Variants in CMSS1 observed in about 807,000 individuals in gnomAD.
CMSS1 encodes cms1 ribosomal small subunit homolog.
A neutral mutation model predicts 43.5 loss-of-function variants in CMSS1; 33 were observed. That is an observed-to-expected ratio of 0.76 (90% CI 0.57 to 1.01). The LOEUF is 1.01. Among genes scored for constraint, CMSS1 ranks in the 50% least tolerant of loss-of-function variants. The pLI is 0.00. For missense variants in CMSS1, 313 were observed against 326.4 expected (o/e 0.96, Z 0.32); for synonymous variants, 115 against 117.2 (o/e 0.98, Z 0.12).
At chr3:100,168,849 C>G (rs957623048) in intron 6 of CMSS1, among the ~76,000 whole-genome samples, 1 of 147,816 alleles carries the variant, frequency 6.8e-6, no homozygotes, top group African/African-American at 2.5e-5. Context: ...GATTATATTC[C>G]TAGAGATTAC....
At chr3:100,118,719 A>G (rs1253009125) in intron 1 of CMSS1, among the ~76,000 whole-genome samples, 1 of 152,202 alleles carries the variant, frequency 6.6e-6, no homozygotes, top group African/African-American at 2.4e-5. Flanking sequence ...CCCCTAGGAC[A>G]GAAACTCTTC....
At chr3:100,128,132 C>T (rs1216295959) in intron 1 of CMSS1, among the ~76,000 whole-genome samples, 3 of 152,218 alleles carry the variant, frequency 2.0e-5, no homozygotes, top group Non-Finnish European at 4.4e-5. Flanking sequence ...AGGCAAAGTG[C>T]TTAGCACAAT....
At chr3:99,930,397 C>T (rs1437070423) in intron 1 of CMSS1, among the ~76,000 whole-genome samples, 1 of 152,086 alleles carries the variant, frequency 6.6e-6, no homozygotes, top group Non-Finnish European at 1.5e-5. Context: ...GTTAATAATG[C>T]CAGGGCTAGT....
intron 1 of CMSS1, among the ~76,000 whole-genome samples, chr3:100,141,818 T>A (rs2066807977): frequency 6.6e-6 from 1 of 152,176 alleles, no homozygotes; most frequent in South Asian, 2.1e-4. Flanking sequence ...AGTGCAGTCT[T>A]AGTGACTCCA....
At chr3:99,910,200 G>A (rs1296090226) in intron 1 of CMSS1, among the ~76,000 whole-genome samples, 1 of 135,988 alleles carries the variant, frequency 7.4e-6, no homozygotes, top group Non-Finnish European at 1.7e-5. Context: ...AACCTGTATG[G>A]ATTTCAAAGG....
chr3:99,832,861 GT>G lies in CMSS1; in HGVS notation c.64+14832del, dbSNP rs532780860. ...TCTCAAAAAAAAAAAAAAAAAAGTT[GT>G]TTTTTTTTTTTTTCTTGTATGACTT... On this transcript the variant is annotated intron_variant, in intron 1 of 9. Transcript: ENST00000421999. Among the ~76,000 whole-genome samples, 27 of 133,826 alleles carry G rather than the reference GT, an allele frequency of 2.0e-4. No homozygotes were observed. The South Asian group carries it at 3.3e-3, about 16-fold the overall frequency. The allele number at this position is 133,826 out of a possible 152,430, so 87.8% of individuals were successfully genotyped here.
At chr3:99,846,184 A>G (rs967841530) in intron 1 of CMSS1, among the ~76,000 whole-genome samples, 10 of 152,174 alleles carry the variant, frequency 6.6e-5, no homozygotes, top group Admixed American at 5.9e-4. Context: ...GGGACAGCCA[A>G]GAGGAACCTG....
At chr3:100,064,389 C>G (rs2065626091) in intron 1 of CMSS1, among the ~76,000 whole-genome samples, 1 of 152,078 alleles carries the variant, frequency 6.6e-6, no homozygotes, top group African/African-American at 2.4e-5. Context: ...TCCTGACCCC[C>G]CCAACACCCT....
intron 1 of CMSS1, among the ~76,000 whole-genome samples, chr3:99,957,767 C>A (rs1184941137): frequency 7.9e-6 from 1 of 126,700 alleles, no homozygotes; most frequent in Admixed American, 9.0e-5. Flanking sequence ...ACACAGGTTC[C>A]ATTCAGTGAT....
intron 1 of CMSS1, among the ~76,000 whole-genome samples, chr3:99,896,550 A>G (rs1351090779): frequency 6.6e-6 from 1 of 152,242 alleles, no homozygotes; most frequent in African/African-American, 2.4e-5. Context: ...GTCAGGAAAT[A>G]GGACCCTTTA....
intron 1 of CMSS1, among the ~76,000 whole-genome samples, chr3:100,038,913 GAAGA>G (rs913759390): frequency 5.3e-5 from 8 of 151,958 alleles, no homozygotes; most frequent in East Asian, 1.9e-4. Context: ...GTAATAAAAA[GAAGA>G]AAGAATGAAC....
chr3:100,055,124 C>T (rs1370539040), intron 1 of CMSS1, among the ~76,000 whole-genome samples: 4 of 152,104 alleles, frequency 2.6e-5, no homozygotes, highest in African/African-American at 9.7e-5. Context: ...CGTGGTCTGC[C>T]CTTCAGAACA....
intron 1 of CMSS1, among the ~76,000 whole-genome samples, chr3:100,047,515 G>T (rs1346168554): frequency 1.2e-4 from 19 of 152,152 alleles, no homozygotes; most frequent in Non-Finnish European, 1.5e-5. Context: ...ACCAGCGAGG[G>T]TCATAAAGCT....
chr3:99,999,469 A>G (rs973689992), intron 1 of CMSS1, among the ~76,000 whole-genome samples: 2 of 152,194 alleles, frequency 1.3e-5, no homozygotes, highest in Non-Finnish European at 2.9e-5. Flanking sequence ...ATTGTTTAGT[A>G]GATTATCGAC....
intron 2 of CMSS1, among the ~76,000 whole-genome samples, chr3:100,156,005 C>CTA (rs916795122): frequency 6.6e-5 from 10 of 152,150 alleles, no homozygotes; most frequent in Non-Finnish European, 1.0e-4. Flanking sequence ...TCATAGTACC[C>CTA]TATACCTAAT....
chr3:100,028,315 T>C (rs1031322653), intron 1 of CMSS1, among the ~76,000 whole-genome samples: 2 of 152,180 alleles, frequency 1.3e-5, no homozygotes, highest in African/African-American at 4.8e-5. Context: ...CAGCCTTTGT[T>C]CTTACTTAGC....
At chr3:100,021,116 A>G (rs1045719179) in intron 1 of CMSS1, among the ~76,000 whole-genome samples, 2 of 152,186 alleles carry the variant, frequency 1.3e-5, no homozygotes, top group Non-Finnish European at 2.9e-5. Flanking sequence ...AGGCCGGTCA[A>G]TTGCCTAAGA....
chr3:99,925,651 C>T (rs972950361), intron 1 of CMSS1, among the ~76,000 whole-genome samples: 5 of 152,168 alleles, frequency 3.3e-5, no homozygotes, highest in African/African-American at 9.7e-5. Context: ...GGGGCTTATA[C>T]GTGGATGCTA....
Position 100,162,421 on chromosome 3 carries a change from T to C in CMSS1, c.344T>C (p.Leu115Pro). The change falls in exon 4 of 10, where the codon CTG (leucine) becomes CCG (proline). Residue 115 changes from leucine to proline, a missense_variant. By Grantham distance (98) the Leu-to-Pro change is moderately conservative. Transcript: ENST00000421999. ...CGCTTGGTGATTGAATTAGAAGAACTGAACCTGCCAGGTATAGCCAAGCTT... is the reference window on the plus strand; with the variant it reads ...CGCTTGGTGATTGAATTAGAAGAACCGAACCTGCCAGGTATAGCCAAGCTT... Reference protein sequence around the residue: ...SRRLVIELEELNLPDSCFLKA... With the variant: ...SRRLVIELEEPNLPDSCFLKA... 6.2e-7 allele frequency: 1 copy of C among 1,612,412 alleles called. No homozygotes were observed.
Sources: allele counts gnomAD v4.1 joint callset (sites outside exome capture counted in the v4.1 genomes callset), GRCh38; gene constraint gnomAD v4.1.1; transcripts MANE v1.5; gene names NCBI Gene and HGNC (gene_info 2026-07-23, HGNC 2026-07-21).